DGKB: variants seen among roughly 807,000 people sequenced by gnomAD.
The protein encoded by DGKB is 90 kDa diacylglycerol kinase.
Under a neutral mutation model 114.3 loss-of-function variants are expected in DGKB, and 67 were observed. That is an observed-to-expected ratio of 0.59 (90% CI 0.48 to 0.72). DGKB has a LOEUF of 0.72. DGKB is among the 30% of genes least tolerant of loss of function. The probability of loss-of-function intolerance (pLI) is 0.00; values close to 1 mark genes in which losing one functional copy is unlikely to be tolerated. For synonymous variants in DGKB, 398 were observed against 323.1 expected (o/e 1.23, Z -2.49); for missense variants, 907 against 975.2 (o/e 0.93, Z 0.93).
chr7:14,579,475 T>C (rs1271346226), intron 19 of DGKB, among the ~76,000 whole-genome samples: 2 of 152,248 alleles, frequency 1.3e-5, no homozygotes, highest in Non-Finnish European at 2.9e-5. Context: ...ATCAAATATA[T>C]GTTCCAGGAG....
intron 23 of DGKB, among the ~76,000 whole-genome samples, chr7:14,219,882 C>G (rs777116735): frequency 6.6e-6 from 1 of 151,684 alleles, no homozygotes; most frequent in Non-Finnish European, 1.5e-5. Context: ...TTGTTTTCGT[C>G]TAAAAGTTTT....
At chr7:14,579,531 C>T (rs138729283) in intron 19 of DGKB, among the ~76,000 whole-genome samples, 3 of 152,248 alleles carry the variant, frequency 2.0e-5, no homozygotes, top group African/African-American at 7.2e-5. Flanking sequence ...TTAATCTATG[C>T]ACTTGTATGA....
chr7:14,327,264 T>G (rs1808908956), intron 23 of DGKB, among the ~76,000 whole-genome samples: 1 of 151,922 alleles, frequency 6.6e-6, no homozygotes, highest in African/African-American at 2.4e-5. Context: ...TTTACAAAGA[T>G]AACATATATA....
In DGKB at chr7:14,148,128, G is replaced by A. The variant is rs1262224970; in HGVS notation, c.*1003C>T. ...AAAAAAGCAAGAAATCATCTATTGA[G>A]CTTTGATTGTGTTGTCTGGCTTATT... On this transcript the variant is annotated 3_prime_UTR_variant, in exon 26 of 26. Coordinates refer to ENST00000402815, the MANE Select transcript of DGKB (RefSeq NM_001350709.2). The A allele has an allele frequency of 6.6e-6, 1 of 152,400 alleles. No homozygotes were observed. The highest frequency in any genetic ancestry group is 2.4e-5 in the African/African-American group (1 of 41,430). The allele number at this position is 152,400 out of a possible 1,614,324, so 9.4% of individuals were successfully genotyped here.
At chr7:14,438,773 T>C (rs1370971355) in intron 21 of DGKB, among the ~76,000 whole-genome samples, 1 of 152,156 alleles carries the variant, frequency 6.6e-6, no homozygotes, top group Admixed American at 6.6e-5. Flanking sequence ...AATCCAACAA[T>C]ACATTTCTAA....
chr7:14,459,884 C>G (rs1410174856), intron 21 of DGKB, among the ~76,000 whole-genome samples: 1 of 152,116 alleles, frequency 6.6e-6, no homozygotes, highest in Non-Finnish European at 1.5e-5. Context: ...CCCTATCAGA[C>G]TAACAGCAGA....
intron 6 of DGKB, among the ~76,000 whole-genome samples, chr7:14,704,989 GAGA>G (rs1467538623): frequency 6.6e-6 from 1 of 151,978 alleles, no homozygotes; most frequent in Non-Finnish European, 1.5e-5. Context: ...GACGAGCTGA[GAGA>G]AGAAGGCTTC....
chr7:14,162,386 T>A (rs569194931), intron 25 of DGKB, among the ~76,000 whole-genome samples: 12 of 152,330 alleles, frequency 7.9e-5, no homozygotes, highest in Admixed American at 2.6e-4. Flanking sequence ...TCTTGCAAAC[T>A]AATGACAAAA....
At chr7:14,152,361 C>G (rs540990539) in intron 25 of DGKB, among the ~76,000 whole-genome samples, 3 of 152,068 alleles carry the variant, frequency 2.0e-5, no homozygotes, top group African/African-American at 7.2e-5. Context: ...TTCTAAGAGA[C>G]TCTGACATTA....
chr7:14,594,805 G>A lies in DGKB; in HGVS notation c.1434-11668C>T, dbSNP rs181000005. On this transcript the variant is annotated intron_variant, in intron 17 of 25. Transcript: ENST00000402815. The stretch of plus-strand genomic sequence containing the variant: ...AAGGAAATAAATCTAGACTTCTATA[G>A]GGAAAAAAGACTTTGCTTAGGGTCA... Among the ~76,000 whole-genome samples the A allele has an allele frequency of 1.9e-3, 290 of 152,122 alleles. 1 individual carries two copies. Among genetic ancestry groups the A allele is most frequent in the African/African-American group, 6.8e-3 (281 of 41,548 alleles).
At chr7:14,763,243 A>T (rs2128458166) in intron 2 of DGKB, among the ~76,000 whole-genome samples, 1 of 152,068 alleles carries the variant, frequency 6.6e-6, no homozygotes, top group East Asian at 1.9e-4. Context: ...TTATCCACAA[A>T]ATCTCTCAGG....
chr7:14,921,608 A>C (rs1428345740), intron 1 of DGKB, among the ~76,000 whole-genome samples: 1 of 152,214 alleles, frequency 6.6e-6, no homozygotes, highest in East Asian at 1.9e-4. Flanking sequence ...CTAGTGACAT[A>C]AAATATGTAA....
intron 21 of DGKB, among the ~76,000 whole-genome samples, chr7:14,426,314 G>T (rs1827518528): frequency 6.6e-6 from 1 of 152,146 alleles, no homozygotes; most frequent in Admixed American, 6.6e-5. Context: ...TAAGCTAAGT[G>T]ATTTAAAGCC....
At chr7:14,813,624 G>T (rs936965418) in intron 2 of DGKB, among the ~76,000 whole-genome samples, 3 of 152,060 alleles carry the variant, frequency 2.0e-5, no homozygotes, top group Admixed American at 6.6e-5. Context: ...AAATTAAACT[G>T]TATGCCATTT....
At chr7:14,693,916 G>A (rs976621518) in intron 9 of DGKB, among the ~76,000 whole-genome samples, 159 bp downstream of exon 9, 5 of 152,138 alleles carry the variant, frequency 3.3e-5, no homozygotes, top group South Asian at 2.1e-4. Context: ...TACACAAGGA[G>A]TTACTGTCAA....
At chr7:14,781,961 C>T (rs911888121) in intron 2 of DGKB, among the ~76,000 whole-genome samples, 5 of 151,934 alleles carry the variant, frequency 3.3e-5, no homozygotes, top group African/African-American at 1.2e-4. Flanking sequence ...TCTTTAATCC[C>T]TAGTATTTAG....
At chr7:14,813,792 C>T (rs1046376189) in intron 2 of DGKB, among the ~76,000 whole-genome samples, 7 of 152,016 alleles carry the variant, frequency 4.6e-5, no homozygotes, top group African/African-American at 1.7e-4. Flanking sequence ...CCTTCATTAA[C>T]TTCAGTAGTT....
chr7:14,847,403 G>T (rs1191013868), intron 1 of DGKB, among the ~76,000 whole-genome samples: 1 of 151,872 alleles, frequency 6.6e-6, no homozygotes, highest in Non-Finnish European at 1.5e-5. Context: ...GGATGGGAAA[G>T]GATGCAGAGC....
chr7:14,857,206 G>GTCTCTC (rs36093995), intron 1 of DGKB, among the ~76,000 whole-genome samples: 27 of 146,572 alleles, frequency 1.8e-4, no homozygotes, highest in African/African-American at 6.8e-4. Context: ...CTCTCTCTCT[G>GTCTCTC]TCTCTCTCTC....
Sources: allele counts gnomAD v4.1 joint callset (sites outside exome capture counted in the v4.1 genomes callset), GRCh38; gene constraint gnomAD v4.1.1; transcripts MANE v1.5; gene names NCBI Gene and HGNC (gene_info 2026-07-23, HGNC 2026-07-21).